STAU2: variants seen among roughly 807,000 people sequenced by gnomAD.
The protein encoded by STAU2 is double-stranded RNA-binding protein Staufen homolog 2.
A neutral mutation model predicts 65.9 loss-of-function variants in STAU2; 20 were observed. The ratio of observed to expected loss-of-function variants is 0.30; its 90% confidence interval spans 0.21 to 0.44. STAU2 has a LOEUF of 0.44. STAU2 is among the 20% of genes least tolerant of loss of function. STAU2 has a pLI of 1.00. For synonymous variants in STAU2, 232 were observed against 233.9 expected (o/e 0.99, Z 0.07); for missense variants, 558 against 683.9 (o/e 0.82, Z 2.05).
At chr8:73,479,053 T>A (rs1820469469) in intron 13 of STAU2, among the ~76,000 whole-genome samples, 1 of 152,058 alleles carries the variant, frequency 6.6e-6, no homozygotes. Flanking sequence ...TCAACAATTA[T>A]CAATTCATGG....
At chr8:73,687,420 AAT>A (rs1178566000) in intron 5 of STAU2, among the ~76,000 whole-genome samples, 4 of 129,742 alleles carry the variant, frequency 3.1e-5, no homozygotes, top group African/African-American at 9.0e-5. Flanking sequence ...AATTAATTTA[AAT>A]ATAAATATAT....
chr8:73,537,491 T>G (rs1014363045), intron 13 of STAU2, among the ~76,000 whole-genome samples: 4 of 152,190 alleles, frequency 2.6e-5, no homozygotes, highest in African/African-American at 4.8e-5. Flanking sequence ...AAACAGCTCA[T>G]GACCTACAGA....
chr8:73,741,291 C>A (rs1175623203), intron 1 of STAU2, among the ~76,000 whole-genome samples: 2 of 91,546 alleles, frequency 2.2e-5, no homozygotes, highest in Non-Finnish European at 4.2e-5. Flanking sequence ...GGCGACAGAG[C>A]AAGACTCCGT....
At chr8:73,681,617 C>G (rs1320754211) in intron 5 of STAU2, among the ~76,000 whole-genome samples, 3 of 151,866 alleles carry the variant, frequency 2.0e-5, no homozygotes, top group African/African-American at 4.8e-5. Context: ...AGAATAGTAC[C>G]TCACATCTTA....
intron 13 of STAU2, among the ~76,000 whole-genome samples, chr8:73,431,145 G>C (rs1399696964): frequency 2.0e-5 from 3 of 152,214 alleles, no homozygotes; most frequent in African/African-American, 7.2e-5. Context: ...CCGCAGATTA[G>C]AGAATTTCAA....
At chr8:73,542,677 G>A (rs903832139) in intron 13 of STAU2, among the ~76,000 whole-genome samples, 11 of 152,024 alleles carry the variant, frequency 7.2e-5, no homozygotes, top group Non-Finnish European at 1.2e-4. Flanking sequence ...TGGACACTTC[G>A]CAAAGATACA....
At chr8:73,447,620 A>G (rs1478335399) in intron 13 of STAU2, among the ~76,000 whole-genome samples, 1 of 152,242 alleles carries the variant, frequency 6.6e-6, no homozygotes, top group Non-Finnish European at 1.5e-5. Flanking sequence ...AGTTGTGGGT[A>G]AAAGCAGCTT....
intron 13 of STAU2, among the ~76,000 whole-genome samples, chr8:73,490,698 G>A (rs1821114851): frequency 6.6e-6 from 1 of 151,920 alleles, no homozygotes; most frequent in Non-Finnish European, 1.5e-5. Context: ...AGATTTTGCT[G>A]GTCCTCAGTT....
intron 3 of STAU2, among the ~76,000 whole-genome samples, chr8:73,715,041 C>T (rs139931053): frequency 1.9e-3 from 292 of 150,052 alleles, no homozygotes; most frequent in African/African-American, 6.5e-3. Context: ...CAAGATCGCA[C>T]CACTGCACTC....
At chr8:73,566,474 A>G (rs1368246202) in intron 12 of STAU2, among the ~76,000 whole-genome samples, 1 of 152,228 alleles carries the variant, frequency 6.6e-6, no homozygotes, top group Non-Finnish European at 1.5e-5. Context: ...AATGTTTTAT[A>G]AAAAAAGATT....
intron 6 of STAU2, among the ~76,000 whole-genome samples, chr8:73,659,140 A>G (rs750928911): frequency 3.3e-5 from 5 of 152,180 alleles, no homozygotes; most frequent in Non-Finnish European, 5.9e-5. Context: ...AAAAGCTTCA[A>G]AAGTTTTTCG....
At chr8:73,651,182 C>T (rs1815843136) in intron 6 of STAU2, 3 of 1,040,402 alleles carry the variant, frequency 2.9e-6, no homozygotes, top group South Asian at 2.7e-5. Flanking sequence ...CCCGAGGAGC[C>T]CCCTCAGGCC....
At chr8:73,462,464 T>C (rs1819415107) in intron 13 of STAU2, among the ~76,000 whole-genome samples, 1 of 152,006 alleles carries the variant, frequency 6.6e-6, no homozygotes, top group African/African-American at 2.4e-5. Context: ...GGCATGATCA[T>C]GGCCCACTGC....
chr8:73,680,227 T>C (rs908124783), intron 5 of STAU2, among the ~76,000 whole-genome samples: 2 of 151,462 alleles, frequency 1.3e-5, no homozygotes, highest in African/African-American at 2.4e-5. Flanking sequence ...ACTGCAGGCA[T>C]GGAAGGGCAA....
At chr8:73,493,365 TAAGAG>T (rs925811026) in intron 13 of STAU2, among the ~76,000 whole-genome samples, 5 of 151,646 alleles carry the variant, frequency 3.3e-5, no homozygotes, top group African/African-American at 1.2e-4. Flanking sequence ...GAAAACAGAC[TAAGAG>T]AAAACATTTG....
At chr8:73,714,275 A>G (rs1414309182) in intron 3 of STAU2, among the ~76,000 whole-genome samples, 2 of 152,162 alleles carry the variant, frequency 1.3e-5, no homozygotes, top group Non-Finnish European at 2.9e-5. Context: ...AACTCATCCT[A>G]ATTCCCAAGT....
At chr8:73,677,568 G>A (rs1407149880) in intron 5 of STAU2, among the ~76,000 whole-genome samples, 1 of 152,100 alleles carries the variant, frequency 6.6e-6, no homozygotes, top group Non-Finnish European at 1.5e-5. Flanking sequence ...TGAGAAAAAT[G>A]AGCTATCACA....
chr8:73,743,155 T>G (rs1166311993), intron 1 of STAU2, among the ~76,000 whole-genome samples: 1 of 152,110 alleles, frequency 6.6e-6, no homozygotes, highest in South Asian at 2.1e-4. Context: ...ACTGCTTTTA[T>G]GTAAGGAAAA....
At chr8:73,458,945 G>C (rs1452421550) in intron 13 of STAU2, among the ~76,000 whole-genome samples, 1 of 152,186 alleles carries the variant, frequency 6.6e-6, no homozygotes, top group Non-Finnish European at 1.5e-5. Flanking sequence ...GGCCACACTA[G>C]AGTTTCGTGG....
Sources: allele counts gnomAD v4.1 joint callset (sites outside exome capture counted in the v4.1 genomes callset), GRCh38; gene constraint gnomAD v4.1.1; transcripts MANE v1.5; gene names NCBI Gene and HGNC (gene_info 2026-07-23, HGNC 2026-07-21).